ATM: variants seen among roughly 807,000 people sequenced by gnomAD.
ATM encodes ATM serine/threonine kinase.
Under a neutral mutation model 387.0 loss-of-function variants are expected in ATM, and 308 were observed. The ratio of observed to expected loss-of-function variants is 0.80; its 90% CI spans 0.73 to 0.87. The LOEUF (loss-of-function observed/expected upper bound fraction) is 0.87. ATM is among the 40% of genes least tolerant of loss of function. The probability of loss-of-function intolerance (pLI) is 0.00; values close to 1 mark genes in which losing one functional copy is unlikely to be tolerated. For synonymous variants in ATM, 1,156 were observed against 1,187.3 expected, an observed-to-expected ratio of 0.97 and a Z score of 0.54; for missense variants, 3,312 against 3,560.9, an observed-to-expected ratio of 0.93 and a Z score of 1.78.
At chr11:108,337,169 T>C (rs1406789737) in intron 56 of ATM, among the ~76,000 whole-genome samples, 2 of 152,218 alleles carry the variant, frequency 1.3e-5, no homozygotes, top group African/African-American at 4.8e-5. Flanking sequence ...GGTTTTGAGC[T>C]TCTTAACTGC....
Position 108,279,604 on chromosome 11 carries a change from A to C in ATM, c.3398A>C (p.Glu1133Ala). 3 of 1,604,028 alleles carry C rather than the reference A, an allele frequency of 1.9e-6. No individual in the cohort carries two copies. The highest frequency in any genetic ancestry group is 2.6e-6 in the Non-Finnish European group (3 of 1,171,116). ...TTGAAAGCTCAGGAAGGAATGAGAG[A>C]AATGGTAATTTTAAGTAACATGTAT... Reference protein sequence around the residue: ...AYLKAQEGMREMSHSAENPET... With the variant: ...AYLKAQEGMRAMSHSAENPET... Residue 1133 changes from glutamate to alanine, a missense_variant, in exon 23 of 63, where the codon GAA (glutamate) becomes GCA (alanine). Glu to Ala is a moderately radical substitution (Grantham distance 107). Around this residue, in one of 4 missense-constraint regions of ATM, gnomAD observed 1,791 missense variants for 1,804.5 expected, o/e 0.99. Coordinates refer to ENST00000675843, the MANE Select transcript of ATM (RefSeq NM_000051.4).
At chr11:108,317,339 TACTTA>T (rs747141227) in intron 42 of ATM, 29 bp from the exon 43 acceptor site, 8 of 1,600,008 alleles carry the variant, frequency 5.0e-6, no homozygotes, top group Middle Eastern at 1.7e-4. Context: ...TATCTTTGAT[TACTTA>T]ACTTAAAAAC....
rs147472613 is a variant in ATM, at chr11:108,250,736, C to A, written c.1271C>A (p.Pro424His). 17 of 1,608,144 alleles carry A rather than the reference C, an allele frequency of 1.1e-5. No homozygotes were observed. The highest frequency in any genetic ancestry group is 1.4e-5 in the Non-Finnish European group (16 of 1,179,132). Residue 424 changes from proline (P) to histidine (H), a missense_variant, in exon 10 of 63, where the codon CCT becomes CAT. Pro to His is a moderately conservative substitution (Grantham distance 77). Transcript: ENST00000675843. ...QIATQLISKYPASLPNCELSP... is the reference protein window; with the variant it reads ...QIATQLISKYHASLPNCELSP... ...GCAACCCAATTAATATCAAAGTATCCTGCAAGTTTACCTAACTGTGAGCTG... is the reference window on the plus strand; with the variant it reads ...GCAACCCAATTAATATCAAAGTATCATGCAAGTTTACCTAACTGTGAGCTG...
chr11:108,349,779 G>C (rs2088959103), intron 59 of ATM, among the ~76,000 whole-genome samples: 1 of 152,128 alleles, frequency 6.6e-6, no homozygotes, highest in Non-Finnish European at 1.5e-5. Context: ...AGATAGGAGA[G>C]GTTTAAACCT....
chr11:108,261,871 G>C (rs565622483), intron 16 of ATM, among the ~76,000 whole-genome samples: 2 of 152,286 alleles, frequency 1.3e-5, no homozygotes, highest in African/African-American at 4.8e-5. Flanking sequence ...TCAACTGGAA[G>C]AAAGGGTATC....
rs770573462 is a variant in ATM at position 108,250,779 on chromosome 11, A to C, written c.1314A>C (p.Ile438=). 1 of 1,613,392 alleles carries C rather than the reference A, an allele frequency of 6.2e-7. No individual in the cohort carries two copies. The highest frequency in any genetic ancestry group is 1.7e-4 in the Middle Eastern group (1 of 6,060). Residue 438 remains isoleucine (I), a synonymous_variant, in exon 10 of 63, where the codon ATA becomes ATC. Transcript: ENST00000675843. ...PNCELSPLLM[I]LSQLLPQQRH... ...GTGAGCTGTCTCCATTACTGATGAT[A>C]CTATCTCAGCTTCTACCCCAACAGC...
At chr11:108,249,998 C>T (rs530924861) in intron 9 of ATM, among the ~76,000 whole-genome samples, 16 of 152,150 alleles carry the variant, frequency 1.1e-4, no homozygotes, top group African/African-American at 2.9e-4. Context: ...CTAGAGAATA[C>T]ACAGCAAATG....
At chr11:108,359,428 G>A (rs573187476) in intron 61 of ATM, among the ~76,000 whole-genome samples, 1 of 152,150 alleles carries the variant, frequency 6.6e-6, no homozygotes, top group East Asian at 1.9e-4. Flanking sequence ...ATTGAACTCA[G>A]CTCTGCACCA....
chr11:108,292,935 A>G, intron 30 of ATM, 142 bp downstream of exon 30: 1 of 1,065,340 alleles, frequency 9.4e-7, no homozygotes, highest in South Asian at 1.5e-5. Flanking sequence ...AAATATTCTT[A>G]ATGAATTAAC....
In ATM at chr11:108,279,613, T is replaced by C. The variant is rs1057520229; in HGVS notation, c.3402+5T>C. 2.5e-6 allele frequency: 4 copies of C among 1,590,256 alleles called. No homozygotes were observed. The highest frequency in any genetic ancestry group is 3.5e-6 in the Non-Finnish European group (4 of 1,158,848). On this transcript the variant is annotated splice_donor_5th_base_variant and intron_variant, in intron 23 of 62. Transcript: ENST00000675843. ...CAGGAAGGAATGAGAGAAATGGTAA[T>C]TTTAAGTAACATGTATTTGCTGTTA... is the stretch of plus-strand genomic sequence containing the variant.
intron 61 of ATM, among the ~76,000 whole-genome samples, chr11:108,358,849 A>T (rs1363959531): frequency 5.3e-5 from 8 of 151,662 alleles, no homozygotes; most frequent in Non-Finnish European, 1.2e-4. Context: ...TCATGCCAAA[A>T]TGTAAAGACC....
At chr11:108,334,232 C>A (rs2086589797) in intron 54 of ATM, among the ~76,000 whole-genome samples, 1 of 152,038 alleles carries the variant, frequency 6.6e-6, no homozygotes, top group Non-Finnish European at 1.5e-5. Context: ...CTTTCATTGG[C>A]CAGAAGGAGA....
rs981051770 is a variant in ATM, at chr11:108,246,854, C to A, written c.902-110C>A. On this transcript the variant is annotated intron_variant, in intron 7 of 62. Coordinates refer to ENST00000675843, the MANE Select transcript of ATM (RefSeq NM_000051.4). ...ATTAGTACTGAATGGAAGGTTGGAC[C>A]AGGTGTCTTCTAACGCTGATGCAGC... 23 of 820,314 alleles carry A rather than the reference C, an allele frequency of 2.8e-5. No individual in the cohort carries two copies. The African/African-American group carries it at 3.6e-4, about 13-fold the overall frequency. The allele number at this position is 820,314 out of a possible 1,614,324, so 50.8% of individuals were successfully genotyped here.
At position 108,353,882 on chromosome 11, in the gene ATM, T is replaced by C. The variant is rs1555142918; in HGVS notation, c.8786+2T>C. ...GGGTGTTGAAGGTGTCTTCAGAAGG[T>C]AAGTGATATGAAGTAAAGGAGGGAA... On this transcript the variant is annotated splice_donor_variant, in intron 60 of 62. Coordinates refer to ENST00000675843, the MANE Select transcript of ATM (RefSeq NM_000051.4). LOFTEE classifies it high-confidence loss of function. The C allele has an allele frequency of 6.2e-7, 1 of 1,607,832 alleles. No homozygotes were observed. Among genetic ancestry groups the C allele is most frequent in the Non-Finnish European group, 8.5e-7 (1 of 1,174,470 alleles).
At position 108,321,744 on chromosome 11, in the gene ATM, C is replaced by T. The variant is rs4988095; in HGVS notation, c.6572+324C>T. On this transcript the variant is annotated intron_variant, in intron 45 of 62. Coordinates refer to ENST00000675843, the MANE Select transcript of ATM (RefSeq NM_000051.4). The stretch of plus-strand genomic sequence containing the variant: ...CAGAGGTTGTGGTGAGCCGAGATTG[C>T]GCCATGGATTCCAGCCTGGGCAACA... 0.021 allele frequency among the ~76,000 whole-genome samples: 3,159 copies of T among 151,344 alleles called. 118 individuals are homozygous for T. The highest frequency in any genetic ancestry group is 0.071 in the African/African-American group (2,927 of 41,204).
rs2135265770 is a variant in ATM, at chr11:108,247,006, T to TA, written c.945dup (p.Tyr316IlefsTer2). On this transcript the variant is annotated frameshift_variant, in exon 8 of 63. Coordinates refer to ENST00000675843, the MANE Select transcript of ATM (RefSeq NM_000051.4). LOFTEE classifies it high-confidence loss of function. The stretch of plus-strand genomic sequence containing the variant: ...AAATGGAGAAGTATTTTATACAACT[T>TA]ATATGATCTGCTAGTGAATGAGATA... 6.2e-7 allele frequency: 1 copy of TA among 1,613,236 alleles called. No individual in the cohort carries two copies. The highest frequency in any genetic ancestry group is 8.5e-7 in the Non-Finnish European group (1 of 1,179,414).
chr11:108,279,401 T>G, intron 22 of ATM, 90 bp from the exon 23 acceptor site: 1 of 925,736 alleles, frequency 1.1e-6, no homozygotes, highest in South Asian at 1.4e-5. Context: ...GAGTGATTTA[T>G]TTTTGTTCTG....
chr11:108,243,313 A>C (rs910007226), intron 5 of ATM, among the ~76,000 whole-genome samples: 18 of 152,018 alleles, frequency 1.2e-4, no homozygotes, highest in Admixed American at 1.2e-3. Context: ...CAGTATTATT[A>C]TTTTAAAAAA....
At chr11:108,249,167 C>G (rs2080007151) in intron 9 of ATM, 65 bp downstream of exon 9, 1 of 1,573,406 alleles carries the variant, frequency 6.4e-7, no homozygotes, top group African/African-American at 1.4e-5. Context: ...TTTCAGAAAA[C>G]TTTCAGTGGA....
Sources: allele counts gnomAD v4.1 joint callset (sites outside exome capture counted in the v4.1 genomes callset), GRCh38; gene constraint gnomAD v4.1.1; regional missense constraint gnomAD v4.1.1; transcripts MANE v1.5; gene names NCBI Gene and HGNC (gene_info 2026-07-23, HGNC 2026-07-21).